The following SPATA18 variants were observed in gnomAD, a reference collection of about 807,000 sequenced individuals.
The protein encoded by SPATA18 is spermatogenesis associated 18.
In SPATA18, 54 loss-of-function variants were observed where a neutral mutation model predicts 68.1. That is an observed-to-expected ratio of 0.79 (90% CI 0.64 to 0.99). The LOEUF is 0.99. SPATA18 is among the 50% of genes least tolerant of loss of function. The pLI is 0.00. For synonymous variants in SPATA18, 242 were observed against 244.8 expected (o/e 0.99, Z 0.11); for missense variants, 724 against 681.1 (o/e 1.06, Z -0.70).
chr4:52,062,312 A>G lies in SPATA18; in HGVS notation c.402A>G (p.Gln134=), dbSNP rs1191048074. 2.5e-5 allele frequency: 40 copies of G among 1,610,150 alleles called. No homozygotes were observed. Among genetic ancestry groups the G allele is most frequent in the Non-Finnish European group, 2.9e-5 (34 of 1,177,564 alleles). The stretch of plus-strand genomic sequence containing the variant: ...CTAATTTGAACTCAACCCGGAGTCA[A>G]TGCAACCAGGTTCAAGACGAGTAAG... ...LDSNLNSTRS[Q]CNQVQDDLVE... The change falls in exon 4 of 13, where the codon CAA becomes CAG. Residue 134 remains glutamine (Q), a synonymous_variant. Coordinates refer to ENST00000295213, the MANE Select transcript of SPATA18 (RefSeq NM_145263.4).
At chr4:52,073,553 C>T (rs915120302) in intron 6 of SPATA18, among the ~76,000 whole-genome samples, 2 of 152,126 alleles carry the variant, frequency 1.3e-5, no homozygotes, top group African/African-American at 4.8e-5. Context: ...GGGAAGATTG[C>T]TTGAGCCCAG....
chr4:52,071,339 G>T (rs1039219293), intron 5 of SPATA18, among the ~76,000 whole-genome samples: 8 of 152,116 alleles, frequency 5.3e-5, no homozygotes, highest in African/African-American at 1.7e-4. Context: ...TATTTCTAAA[G>T]ATTTTTTTGT....
At chr4:52,055,602 T>G (rs1738268509) in intron 1 of SPATA18, among the ~76,000 whole-genome samples, 3 of 152,240 alleles carry the variant, frequency 2.0e-5, no homozygotes, top group African/African-American at 7.2e-5. Context: ...CTAAATTGGT[T>G]TTGTTACCCA....
chr4:52,074,794 C>A (rs189936830), intron 6 of SPATA18, among the ~76,000 whole-genome samples: 9 of 152,184 alleles, frequency 5.9e-5, no homozygotes, highest in Non-Finnish European at 1.2e-4. Flanking sequence ...GGGGGGAGTA[C>A]TAAGATTACA....
chr4:52,073,031 C>T (rs996247755), intron 6 of SPATA18, among the ~76,000 whole-genome samples: 6 of 152,070 alleles, frequency 3.9e-5, no homozygotes, highest in Non-Finnish European at 8.8e-5. Context: ...TTTAACAACC[C>T]CCCTCAAGCC....
chr4:52,069,732 A>T (rs1482075026), intron 4 of SPATA18, 89 bp from the exon 5 acceptor site: 6 of 832,076 alleles, frequency 7.2e-6, no homozygotes, highest in African/African-American at 3.5e-5. Flanking sequence ...TATGTCATAT[A>T]CCAGAAGTTC....
chr4:52,081,710 T>A (rs575846755), intron 9 of SPATA18, among the ~76,000 whole-genome samples: 1 of 152,346 alleles, frequency 6.6e-6, no homozygotes, highest in East Asian at 1.9e-4. Context: ...TCTCCTCTAT[T>A]TGTGAAAATG....
intron 5 of SPATA18, among the ~76,000 whole-genome samples, chr4:52,070,137 A>C (rs1272343672): frequency 6.6e-6 from 1 of 151,822 alleles, no homozygotes; most frequent in African/African-American, 2.4e-5. Context: ...AAACCCTTTC[A>C]TAATTGCAGA....
intron 3 of SPATA18, 128 bp from the exon 4 acceptor site, chr4:52,062,092 A>G (rs1395724924): frequency 1.6e-6 from 1 of 608,438 alleles, no homozygotes; most frequent in Non-Finnish European, 2.9e-6. Context: ...TGCCTGTACT[A>G]GAACTTCATG....
intron 1 of SPATA18, among the ~76,000 whole-genome samples, chr4:52,057,014 C>T (rs1427476493): frequency 1.3e-5 from 2 of 152,088 alleles, no homozygotes; most frequent in African/African-American, 2.4e-5. Flanking sequence ...TTGAAATGCC[C>T]TTCCCTCTTA....
intron 11 of SPATA18, among the ~76,000 whole-genome samples, chr4:52,087,528 T>G (rs1270775713): frequency 6.6e-6 from 1 of 152,120 alleles, no homozygotes; most frequent in Admixed American, 6.6e-5. Flanking sequence ...ATAGGAAATC[T>G]TTTTTCCCCT....
intron 11 of SPATA18, among the ~76,000 whole-genome samples, chr4:52,086,171 G>C (rs762511317): frequency 5.9e-5 from 9 of 152,170 alleles, no homozygotes; most frequent in South Asian, 2.1e-4. Context: ...CCTCTAGCAT[G>C]CAGCTGTAGC....
At chr4:52,089,094 T>C (rs892033843) in intron 11 of SPATA18, among the ~76,000 whole-genome samples, 2 of 152,230 alleles carry the variant, frequency 1.3e-5, no homozygotes, top group African/African-American at 4.8e-5. Context: ...TATTCTCTGA[T>C]GGTAGTTTGT....
chr4:52,091,965 C>T (rs1462714649), intron 11 of SPATA18, among the ~76,000 whole-genome samples: 2 of 152,186 alleles, frequency 1.3e-5, no homozygotes, highest in African/African-American at 4.8e-5. Context: ...CAGTGTGCTC[C>T]ACCCAATTTG....
Position 52,051,649 on chromosome 4 carries a change from G to A in SPATA18, c.-56G>A, listed in dbSNP as rs1737878355. ...ACCCCACGGTCCTGCGGAGGCCACCGCCTGGTCCCCCCAAGTCTCCATCGC... is the reference window on the plus strand; with the variant it reads ...ACCCCACGGTCCTGCGGAGGCCACCACCTGGTCCCCCCAAGTCTCCATCGC... On this transcript the variant is annotated 5_prime_UTR_variant, in exon 1 of 13. Transcript: ENST00000295213. 1.3e-6 allele frequency: 2 copies of A among 1,558,354 alleles called. No individual in the cohort carries two copies. Among genetic ancestry groups the A allele is most frequent in the South Asian group, 2.2e-5 (2 of 89,956 alleles).
intron 5 of SPATA18, 116 bp downstream of exon 5, chr4:52,070,032 T>C (rs1342185469): frequency 6.0e-6 from 2 of 331,008 alleles, no homozygotes; most frequent in Non-Finnish European, 1.0e-5. Flanking sequence ...CAGAAATATT[T>C]TTATTAATTA....
chr4:52,071,215 ACC>A (rs1430078052), intron 5 of SPATA18, among the ~76,000 whole-genome samples: 15 of 152,012 alleles, frequency 9.9e-5, no homozygotes, highest in African/African-American at 3.6e-4. Context: ...TCTTAATCTT[ACC>A]TTTTCATTTT....
Position 52,060,856 on chromosome 4 carries a change from T to G in SPATA18, c.268T>G (p.Ser90Ala), listed in dbSNP as rs1560583856. The change falls in exon 3 of 13, where the codon TCC becomes GCC. Residue 90 changes from serine (S) to alanine (A), a missense_variant. Physicochemically the swap from Ser to Ala is moderately conservative, Grantham distance 99 (BLOSUM62 1). Transcript: ENST00000295213. ...PWLEASFTAA[S>A]LGKSVDSKVP... is the part of the protein sequence containing the mutation. ...GCTGGAGGCTTCCTTTACTGCTGCT[T>G]CCCTGGGAAAATCTGTTGACAGCAA... is the stretch of plus-strand genomic sequence containing the variant. 6.2e-7 allele frequency: 1 copy of G among 1,614,006 alleles called. No individual in the cohort carries two copies. Among genetic ancestry groups the G allele is most frequent in the Admixed American group, 1.7e-5 (1 of 60,004 alleles).
chr4:52,075,186 G>A (rs1740227616), intron 6 of SPATA18, among the ~76,000 whole-genome samples: 1 of 152,060 alleles, frequency 6.6e-6, no homozygotes, highest in African/African-American at 2.4e-5. Flanking sequence ...CAGGGTCCTG[G>A]GGGTGGCTTG....
Sources: allele counts gnomAD v4.1 joint callset (sites outside exome capture counted in the v4.1 genomes callset), GRCh38; gene constraint gnomAD v4.1.1; transcripts MANE v1.5; gene names NCBI Gene and HGNC (gene_info 2026-07-23, HGNC 2026-07-21).